Variants in KRT7 observed in about 807,000 individuals in gnomAD.
The protein encoded by KRT7 is keratin, type II cytoskeletal 7.
In KRT7, 50 loss-of-function variants were observed where a neutral mutation model predicts 42.8. The ratio of observed to expected loss-of-function variants is 1.17; its 90% CI spans 0.93 to 1.48. The LOEUF (loss-of-function observed/expected upper bound fraction) is 1.48. Among genes scored for constraint, KRT7 ranks in the 40% most tolerant of loss-of-function variants. KRT7 has a pLI of 0.00. For synonymous variants in KRT7, 268 were observed against 266.3 expected, an observed-to-expected ratio of 1.01 and a Z score of -0.06; for missense variants, 588 against 637.6, an observed-to-expected ratio of 0.92 and a Z score of 0.84.
downstream of KRT7, chr12:52,254,262 C>A: frequency 1.1e-6 from 1 of 894,394 alleles, no homozygotes; most frequent in Admixed American, 1.8e-5. Flanking sequence ...GCTTTGTGAC[C>A]CCGCACCTCC....
intron 3 of KRT7, chr12:52,237,852 A>G: frequency 7.0e-6 from 2 of 287,632 alleles, no homozygotes; most frequent in Non-Finnish European, 1.3e-5. Context: ...ACACTGAATA[A>G]GGAGTGCTCT....
chr12:52,245,288 C>T, intron 6 of KRT7, 124 bp from the exon 7 acceptor site: 4 of 863,884 alleles, frequency 4.6e-6, no homozygotes, highest in Non-Finnish European at 3.7e-6. Flanking sequence ...TTCTCTGGTA[C>T]TTGGGGGAGT....
intron 1 of KRT7, among the ~76,000 whole-genome samples, chr12:52,234,750 G>A (rs1490738047): frequency 6.6e-6 from 1 of 152,196 alleles, no homozygotes; most frequent in East Asian, 1.9e-4. Context: ...GAAAGGGGAA[G>A]GAGAGAAAGG....
At chr12:52,234,161 C>G (rs986952486) in intron 1 of KRT7, among the ~76,000 whole-genome samples, 7 of 151,574 alleles carry the variant, frequency 4.6e-5, no homozygotes, top group African/African-American at 1.7e-4. Flanking sequence ...CCTCCCCCAC[C>G]TGCCTGGTCC....
chr12:52,236,201 C>CG (rs1396857338), intron 2 of KRT7, among the ~76,000 whole-genome samples: 1 of 150,362 alleles, frequency 6.7e-6, no homozygotes, highest in African/African-American at 2.5e-5. Context: ...TGGAGTGCCC[C>CG]CCCCCAACAC....
Position 52,235,357 on chromosome 12 carries a change from T to C in KRT7, c.527T>C (p.Phe176Ser). ...LRSMQDVVED[F>S]KNKYEDEINH... ...AGCATGCAGGATGTGGTGGAGGACTTCAAGAATAAGTAATGCCCCCTGTGC... is the reference window on the plus strand; with the variant it reads ...AGCATGCAGGATGTGGTGGAGGACTCCAAGAATAAGTAATGCCCCCTGTGC... The change falls in exon 2 of 9, where the codon TTC becomes TCC. Residue 176 changes from phenylalanine to serine, a missense_variant. Coordinates refer to ENST00000331817, the MANE Select transcript of KRT7 (RefSeq NM_005556.4). 6.2e-7 allele frequency: 1 copy of C among 1,609,810 alleles called. No homozygotes were observed.
downstream of KRT7, among the ~76,000 whole-genome samples, chr12:52,255,631 G>T (rs1942324066): frequency 6.6e-6 from 1 of 152,142 alleles, no homozygotes; most frequent in Non-Finnish European, 1.5e-5. Flanking sequence ...TCCTGATGTG[G>T]GTCAGGGTGG....
downstream of KRT7, among the ~76,000 whole-genome samples, chr12:52,250,910 A>C (rs1942256810): frequency 6.6e-6 from 1 of 152,262 alleles, no homozygotes; most frequent in African/African-American, 2.4e-5. Flanking sequence ...TGGAGTGCAC[A>C]TACGCAAACC....
At position 52,233,777 on chromosome 12, in the gene KRT7, C is replaced by T. The variant is rs183651275; in HGVS notation, c.324+157C>T. 3.5e-3 allele frequency among the ~76,000 whole-genome samples: 529 copies of T among 152,292 alleles called. 3 individuals carry two copies. Among genetic ancestry groups the T allele is most frequent in the African/African-American group, 0.012 (513 of 41,588 alleles). On this transcript the variant is annotated intron_variant, in intron 1 of 8. Coordinates refer to ENST00000331817, the MANE Select transcript of KRT7 (RefSeq NM_005556.4). ...GGGACACGATCTGGGGGTCCTTCCT[C>T]CTTCGCATGAACCCCGTGGCTATTT...
In KRT7 at chr12:52,248,213, T is replaced by A; in HGVS notation, c.1240+2T>A. ...ATGGAGTGGGAGCCGTGAATATCTG[T>A]AAGTCCTTGGCTGCGGCCCATGGGA... On this transcript the variant is annotated splice_donor_variant, in intron 8 of 8. Coordinates refer to ENST00000331817, the MANE Select transcript of KRT7 (RefSeq NM_005556.4). LOFTEE classifies it high-confidence loss of function. 6.2e-7 allele frequency: 1 copy of A among 1,614,042 alleles called. No individual in the cohort carries two copies. Among genetic ancestry groups the A allele is most frequent in the Admixed American group, 1.7e-5 (1 of 60,024 alleles).
In KRT7 at chr12:52,248,535, G is replaced by A. The variant is rs113241826; in HGVS notation, c.1241-56G>A. ...GGAGGGTGGGGTGCAGTGAAGGGAT[G>A]GGGTCCCTGGTAGGGAGCCTCACGC... On this transcript the variant is annotated intron_variant, in intron 8 of 8. Coordinates refer to ENST00000331817, the MANE Select transcript of KRT7 (RefSeq NM_005556.4). 2.0e-3 allele frequency: 3,015 copies of A among 1,489,444 alleles called. 40 individuals carry two copies. The African/African-American group carries it at 0.037, about 18-fold the overall frequency. The allele number at this position is 1,489,444 out of a possible 1,614,324, so 92.3% of individuals were successfully genotyped here.
intron 1 of KRT7, 66 bp downstream of exon 1, chr12:52,233,686 G>A: frequency 6.6e-7 from 1 of 1,523,486 alleles, no homozygotes; most frequent in South Asian, 1.1e-5. Context: ...GCCCTAACTA[G>A]CCCTGCCTGC....
chr12:52,252,388 C>T (rs1480561201), downstream of KRT7: 3 of 1,614,050 alleles, frequency 1.9e-6, no homozygotes, highest in East Asian at 2.2e-5. Flanking sequence ...TTCTGCAGGG[C>T]ACCCTCCAGC....
chr12:52,238,321 T>G (rs1942038109), intron 3 of KRT7, among the ~76,000 whole-genome samples: 1 of 152,244 alleles, frequency 6.6e-6, no homozygotes, highest in Non-Finnish European at 1.5e-5. Context: ...CTTTGTGTTC[T>G]GCTACTGACT....
chr12:52,249,634 G>A (rs548915945), downstream of KRT7, among the ~76,000 whole-genome samples: 20 of 152,280 alleles, frequency 1.3e-4, no homozygotes. Flanking sequence ...CTGTGTGTCT[G>A]TGAGTGTGGC....
intron 7 of KRT7, among the ~76,000 whole-genome samples, chr12:52,246,726 G>A (rs1942178592): frequency 6.6e-6 from 1 of 152,206 alleles, no homozygotes; most frequent in Non-Finnish European, 1.5e-5. Context: ...GAACACAGAA[G>A]CTGATCTGGG....
At chr12:52,249,442 G>C (rs776488483), downstream of KRT7, 3 of 152,542 alleles carry the variant, frequency 2.0e-5, no homozygotes, top group Non-Finnish European at 2.9e-5. Context: ...GTGGTTGTGG[G>C]GGGGAGGTGT....
At chr12:52,253,305 C>T (rs773518406), downstream of KRT7, 24 of 1,612,754 alleles carry the variant, frequency 1.5e-5, 1 homozygote, top group South Asian at 1.3e-4. Context: ...AGGGTCTCCC[C>T]GTGCCTGATC....
chr12:52,241,400 G>C (rs1942086511), intron 4 of KRT7, 72 bp from the exon 5 acceptor site: 1 of 1,324,596 alleles, frequency 7.5e-7, no homozygotes, highest in African/African-American at 1.5e-5. Context: ...TCCTTTGTGA[G>C]TGGGGAATCC....
Sources: gnomAD v4.1 joint callset for allele counts (sites outside exome capture counted in the v4.1 genomes callset) on GRCh38, gnomAD v4.1.1 for gene constraint, MANE v1.5 for transcripts, NCBI Gene and HGNC (gene_info 2026-07-23, HGNC 2026-07-21) for gene names.